The following ZNF69 variants were observed in gnomAD, a reference collection of about 807,000 sequenced individuals.
The protein encoded by ZNF69 is ZNF3.
In ZNF69, 47 loss-of-function variants were observed where a neutral mutation model predicts 50.9. The observed-to-expected ratio is 0.92, with a 90% CI of 0.73 to 1.18. The LOEUF (loss-of-function observed/expected upper bound fraction) is 1.18. ZNF69 is among the 50% of genes most tolerant of loss of function. The probability of loss-of-function intolerance (pLI) is 0.00; values close to 1 mark genes in which losing one functional copy is unlikely to be tolerated. For synonymous variants in ZNF69, 216 were observed against 223.1 expected, an observed-to-expected ratio of 0.97 and a Z score of 0.29; for missense variants, 717 against 675.1, an observed-to-expected ratio of 1.06 and a Z score of -0.69.
At chr19:11,943,733 A>G in the ZNF69 span, among the ~76,000 whole-genome samples, 1 of 152,250 alleles carries the variant, frequency 6.6e-6, no homozygotes. Context: ...GCCCTACCTC[A>G]GTAACCTGAT....
Position 11,903,593 on chromosome 19 carries a change from T to C in ZNF69, c.84T>C (p.Asp28=), listed in dbSNP as rs1336534759. 12 of 1,614,148 alleles carry C rather than the reference T, an allele frequency of 7.4e-6. No individual in the cohort carries two copies. The highest frequency in any genetic ancestry group is 1.6e-4 in the Middle Eastern group (1 of 6,062). The change falls in exon 2 of 4, where the codon GAT becomes GAC. Residue 28 remains aspartate (D), a synonymous_variant. Transcript: ENST00000429654. The stretch of plus-strand genomic sequence containing the variant: ...TTCAGGACCCAGTGGCCTTTGATGA[T>C]GTTGCTGTGAACTTCACCCAGGAGG... The part of the protein sequence containing the change: ...SQEMDPVAFD[D]VAVNFTQEEW...
At chr19:11,931,663 CAG>C in the ZNF69 span, among the ~76,000 whole-genome samples, 4 of 148,340 alleles carry the variant, frequency 2.7e-5, no homozygotes, top group Non-Finnish European at 5.9e-5. Context: ...AGGCATATTT[CAG>C]AGAGGTTACA....
downstream of ZNF69, among the ~76,000 whole-genome samples, chr19:11,907,169 G>T (rs922658430): frequency 6.6e-6 from 1 of 152,166 alleles, no homozygotes; most frequent in Non-Finnish European, 1.5e-5. Flanking sequence ...AAGAAATATG[G>T]GACTATGTGA....
chr19:11,951,061 GA>G, the ZNF69 span, among the ~76,000 whole-genome samples: 2 of 144,828 alleles, frequency 1.4e-5, no homozygotes, highest in Admixed American at 7.1e-5. Context: ...TGAGGCAGGA[GA>G]ATCGCTTGAA....
chr19:11,899,549 C>T (rs1313224223), intron 1 of ZNF69, among the ~76,000 whole-genome samples: 3 of 152,154 alleles, frequency 2.0e-5, no homozygotes, highest in Non-Finnish European at 4.4e-5. Context: ...CCTGAGTTCC[C>T]AGCACACGGG....
At chr19:11,941,538 G>T in the ZNF69 span, among the ~76,000 whole-genome samples, 1 of 152,214 alleles carries the variant, frequency 6.6e-6, no homozygotes, top group East Asian at 1.9e-4. Flanking sequence ...CGCTGGCCCA[G>T]GTGCTAAGCC....
At chr19:11,916,001 C>G (rs1284642165), downstream of ZNF69, among the ~76,000 whole-genome samples, 1 of 152,120 alleles carries the variant, frequency 6.6e-6, no homozygotes. Flanking sequence ...TTGGAGGAGC[C>G]CTTTATACTG....
Position 11,903,697 on chromosome 19 carries a change from T to C in ZNF69, c.188T>C (p.Val63Ala), listed in dbSNP as rs1211527794. Residue 63 changes from valine to alanine, a missense_variant and splice_region_variant, in exon 2 of 4, where the codon GTA becomes GCA. Physicochemically the swap from Val to Ala is moderately conservative, Grantham distance 64. Coordinates refer to ENST00000429654, the MANE Select transcript of ZNF69 (RefSeq NM_001364730.1). ...MLETFRNLTS[V>A]GKSWKDQNIE... ...GAAACTTTCAGGAACCTGACCTCTGTAGGTAAGGATGACATATTCCTTCCC... is the reference window on the plus strand; with the variant it reads ...GAAACTTTCAGGAACCTGACCTCTGCAGGTAAGGATGACATATTCCTTCCC... 1 of 1,613,988 alleles carries C rather than the reference T, an allele frequency of 6.2e-7. No individual in the cohort carries two copies. Among genetic ancestry groups the C allele is most frequent in the Admixed American group, 1.7e-5 (1 of 59,980 alleles).
At chr19:11,964,345 G>A in the ZNF69 span, among the ~76,000 whole-genome samples, 1 of 152,206 alleles carries the variant, frequency 6.6e-6, no homozygotes, top group Non-Finnish European at 1.5e-5. Context: ...GGTTTGACAC[G>A]CATGGGGTCG....
the ZNF69 span, among the ~76,000 whole-genome samples, chr19:11,922,484 GGGATTCTA>G: frequency 6.6e-6 from 1 of 152,162 alleles, no homozygotes; most frequent in African/African-American, 2.4e-5. Context: ...CCACAACAAT[GGGATTCTA>G]GGACACTAGG....
At position 11,903,970 on chromosome 19, in the gene ZNF69, T is replaced by A; in HGVS notation, c.251+5T>A. On this transcript the variant is annotated splice_donor_5th_base_variant and intron_variant, in intron 3 of 3. Coordinates refer to ENST00000429654, the MANE Select transcript of ZNF69 (RefSeq NM_001364730.1). ...AAACCCCAGGAGAAACTTCAGGTAATTTGTACTTACAAGACAAAGCAGTGT... is the reference window on the plus strand; with the variant it reads ...AAACCCCAGGAGAAACTTCAGGTAAATTGTACTTACAAGACAAAGCAGTGT... 1 of 1,613,524 alleles carries A rather than the reference T, an allele frequency of 6.2e-7. No individual in the cohort carries two copies. The highest frequency in any genetic ancestry group is 8.5e-7 in the Non-Finnish European group (1 of 1,179,550).
the ZNF69 span, among the ~76,000 whole-genome samples, chr19:11,962,168 A>G: frequency 6.6e-6 from 1 of 151,940 alleles, no homozygotes; most frequent in African/African-American, 2.4e-5. Flanking sequence ...CTGTAATCCC[A>G]GCACTTGGGA....
intron 1 of ZNF69, among the ~76,000 whole-genome samples, chr19:11,889,737 C>T (rs932953152): frequency 6.6e-6 from 1 of 152,092 alleles, no homozygotes; most frequent in Non-Finnish European, 1.5e-5. Flanking sequence ...CCCAGGGGAC[C>T]GGCGCTCAAC....
At chr19:11,932,027 A>G in the ZNF69 span, among the ~76,000 whole-genome samples, 1 of 147,740 alleles carries the variant, frequency 6.8e-6, no homozygotes, top group Non-Finnish European at 1.5e-5. Context: ...AGGCAGGAGA[A>G]TCGCTTGAAC....
chr19:11,949,824 C>T, the ZNF69 span: 1 of 1,608,218 alleles, frequency 6.2e-7, no homozygotes, highest in Non-Finnish European at 8.5e-7. Context: ...GTGGGAAAGC[C>T]TTCAGTTGTG....
At chr19:11,892,318 C>A (rs552996511) in intron 1 of ZNF69, among the ~76,000 whole-genome samples, 2 of 152,000 alleles carry the variant, frequency 1.3e-5, no homozygotes, top group South Asian at 4.1e-4. Context: ...TTTCCCCCAG[C>A]GCTTGTTTTC....
chr19:11,913,736 T>C (rs1026466358), exon 5 of ZNF69: 7 of 181,702 alleles, frequency 3.9e-5, no homozygotes, highest in Non-Finnish European at 5.7e-5. Flanking sequence ...TTATCTCATG[T>C]ACCTCTGAGT....
At chr19:11,920,653 TGA>T in the ZNF69 span, among the ~76,000 whole-genome samples, 6 of 3,154 alleles carry the variant, frequency 1.9e-3, no homozygotes, top group Admixed American at 0.025. Context: ...TTTGGGAGGC[TGA>T]GGGGGGTGCA....
At chr19:11,977,079 G>A in the ZNF69 span, 3 of 1,614,180 alleles carry the variant, frequency 1.9e-6, no homozygotes, top group Middle Eastern at 3.3e-4. Flanking sequence ...ACTTCACCCA[G>A]GAGGAGTGGG....
Sources: gnomAD v4.1 joint callset for allele counts (sites outside exome capture counted in the v4.1 genomes callset) on GRCh38, gnomAD v4.1.1 for gene constraint, MANE v1.5 for transcripts, NCBI Gene and HGNC (gene_info 2026-07-23, HGNC 2026-07-21) for gene names.